Variants in XRN1 observed in about 807,000 individuals in gnomAD.
XRN1 encodes strand-exchange protein 1 homolog.
A neutral mutation model predicts 222.3 loss-of-function variants in XRN1; 67 were observed. The observed-to-expected ratio is 0.30, with a 90% CI of 0.25 to 0.37. The LOEUF (loss-of-function observed/expected upper bound fraction) is 0.37, where lower values mean the gene tolerates loss of function less well. Ranked by LOEUF, XRN1 falls within the 10% of genes least tolerant of loss-of-function variation. XRN1 has a pLI of 1.00. For synonymous variants in XRN1, 643 were observed against 652.4 expected, an observed-to-expected ratio of 0.99 and a Z score of 0.22; for missense variants, 1,707 against 2,000.2, an observed-to-expected ratio of 0.85 and a Z score of 2.80.
At chr3:142,393,009 C>T (rs1384717083) in intron 20 of XRN1, among the ~76,000 whole-genome samples, 17 of 150,846 alleles carry the variant, frequency 1.1e-4, no homozygotes, top group African/African-American at 2.7e-4. Flanking sequence ...TTTTTAATGA[C>T]TGCCATTCTA....
chr3:142,371,165 A>T, intron 26 of XRN1, 74 bp downstream of exon 26: 5 of 1,102,388 alleles, frequency 4.5e-6, no homozygotes, highest in South Asian at 1.4e-5. Flanking sequence ...GAAATTCTTG[A>T]GAAACCAGCT....
At position 142,422,920 on chromosome 3, in the gene XRN1, A is replaced by G. The variant is rs183730909; in HGVS notation, c.713T>C (p.Val238Ala). Residue 238 changes from valine to alanine, a missense_variant and splice_region_variant, in exon 7 of 41, where the codon GTA becomes GCA. Around this residue, in one of 2 missense-constraint regions of XRN1, gnomAD observed 1,234 missense variants for 1,518.2 expected, o/e 0.81. Coordinates refer to ENST00000392981, the MANE Select transcript of XRN1 (RefSeq NM_001282857.2). ...AAATGTAGTTTCTTCTGGAGCACAT[A>G]CCCTGGAATTAGTCAGATGATCAAG... ...VRFGGKKTQRVCAPEETTFHL... is the reference protein window; with the variant it reads ...VRFGGKKTQRACAPEETTFHL... 6.2e-7 allele frequency: 1 copy of G among 1,609,046 alleles called. No individual in the cohort carries two copies. Among genetic ancestry groups the G allele is most frequent in the Non-Finnish European group, 8.5e-7 (1 of 1,177,138 alleles).
chr3:142,431,856 T>A (rs1161073026), intron 2 of XRN1, among the ~76,000 whole-genome samples: 1 of 37,384 alleles, frequency 2.7e-5, no homozygotes, highest in Non-Finnish European at 5.0e-5. Flanking sequence ...AATATATATA[T>A]TATATATAAT....
chr3:142,371,673 T>C (rs929515235), intron 25 of XRN1, among the ~76,000 whole-genome samples: 1 of 152,170 alleles, frequency 6.6e-6, no homozygotes, highest in African/African-American at 2.4e-5. Context: ...CACTCCACAA[T>C]ACAACAAATT....
In XRN1 at chr3:142,329,500, T is replaced by C; in HGVS notation, c.4338A>G (p.Glu1446=). The change falls in exon 37 of 41, where the codon GAA becomes GAG. Residue 1446 remains glutamate, a synonymous_variant. Coordinates refer to ENST00000392981, the MANE Select transcript of XRN1 (RefSeq NM_001282857.2). ...QIPPVSTPVT[E]LSRICSLVGM... ...CAACAAGGGAACAAATTCGAGAAAGTTCAGTTACTGGTGTGGATACAGGAG... is the reference window on the plus strand; with the variant it reads ...CAACAAGGGAACAAATTCGAGAAAGCTCAGTTACTGGTGTGGATACAGGAG... The C allele has an allele frequency of 5.0e-6, 8 of 1,595,102 alleles. No individual in the cohort carries two copies. Among genetic ancestry groups the C allele is most frequent in the Non-Finnish European group, 6.8e-6 (8 of 1,173,636 alleles).
At chr3:142,391,696 T>G in intron 20 of XRN1, among the ~76,000 whole-genome samples, 1 of 146,366 alleles carries the variant, frequency 6.8e-6, no homozygotes, top group African/African-American at 2.6e-5. Flanking sequence ...AATGTGCCAC[T>G]GCACTCCACC....
At chr3:142,390,495 A>G (rs1214776589) in intron 20 of XRN1, among the ~76,000 whole-genome samples, 1 of 152,186 alleles carries the variant, frequency 6.6e-6, no homozygotes, top group Non-Finnish European at 1.5e-5. Context: ...GCTTACTTCA[A>G]ACTTTTCTTC....
chr3:142,387,683 T>C (rs2067558325), intron 20 of XRN1, among the ~76,000 whole-genome samples: 1 of 152,206 alleles, frequency 6.6e-6, no homozygotes, highest in Non-Finnish European at 1.5e-5. Flanking sequence ...TATAGTTTGT[T>C]TGACTTCACC....
At chr3:142,444,402 G>A (rs1234608009) in intron 1 of XRN1, among the ~76,000 whole-genome samples, 3 of 152,236 alleles carry the variant, frequency 2.0e-5, no homozygotes, top group Non-Finnish European at 2.9e-5. Flanking sequence ...GAGGCCACCA[G>A]GAGTTGGAGA....
intron 2 of XRN1, among the ~76,000 whole-genome samples, chr3:142,427,808 T>A (rs553578583): frequency 1.4e-4 from 22 of 152,340 alleles, no homozygotes; most frequent in African/African-American, 5.3e-4. Flanking sequence ...CGTACCAGCA[T>A]GCCACATGGC....
intron 13 of XRN1, among the ~76,000 whole-genome samples, chr3:142,416,878 A>G (rs560239746): frequency 1.3e-5 from 2 of 152,216 alleles, no homozygotes; most frequent in African/African-American, 4.8e-5. Flanking sequence ...CTAAAAATAT[A>G]AAAATTAGCT....
chr3:142,321,464 T>G (rs2065354306), intron 37 of XRN1, among the ~76,000 whole-genome samples: 1 of 152,196 alleles, frequency 6.6e-6, no homozygotes, highest in Non-Finnish European at 1.5e-5. Context: ...TCAAAAAATA[T>G]TTTGAACATG....
intron 33 of XRN1, among the ~76,000 whole-genome samples, chr3:142,344,098 G>T (rs924617801): frequency 1.3e-5 from 2 of 151,828 alleles, no homozygotes; most frequent in African/African-American, 2.4e-5. Context: ...AAGAGTAGTG[G>T]GGGGGAGGGG....
At chr3:142,396,798 G>A (rs1329636092) in intron 20 of XRN1, among the ~76,000 whole-genome samples, 3 of 152,138 alleles carry the variant, frequency 2.0e-5, no homozygotes, top group Non-Finnish European at 4.4e-5. Flanking sequence ...GATGGCAAAG[G>A]AGAGGTGCTG....
intron 29 of XRN1, among the ~76,000 whole-genome samples, chr3:142,362,224 G>C (rs900270550): frequency 1.3e-5 from 2 of 151,844 alleles, no homozygotes; most frequent in African/African-American, 4.8e-5. Context: ...TGCAACCTCT[G>C]CCTCCCAGGT....
At chr3:142,352,993 T>G (rs2066354138) in intron 32 of XRN1, among the ~76,000 whole-genome samples, 1 of 152,198 alleles carries the variant, frequency 6.6e-6, no homozygotes, top group African/African-American at 2.4e-5. Context: ...TAGCAAAACA[T>G]GTAGTAGGAA....
chr3:142,368,622 T>G (rs2107877587), intron 27 of XRN1, among the ~76,000 whole-genome samples: 1 of 152,314 alleles, frequency 6.6e-6, no homozygotes, highest in East Asian at 1.9e-4. Flanking sequence ...ACTGGAAAAC[T>G]CACCTCAAAA....
rs925151020 is a variant in XRN1, at chr3:142,307,660, C to G, written c.*3851G>C. 8 of 152,260 alleles carry G rather than the reference C, an allele frequency of 5.3e-5. No homozygotes were observed. The highest frequency in any genetic ancestry group is 1.7e-4 in the African/African-American group (7 of 41,556). 9.4% of individuals were successfully genotyped at this position (152,260 alleles called of 1,614,324 possible). On this transcript the variant is annotated 3_prime_UTR_variant, in exon 41 of 41. Transcript: ENST00000392981. ...CTGGAGACTTGATGCTGGTTCAACA[C>G]TATCTCTTACTGTATTGGAGAAGTT... is the stretch of plus-strand genomic sequence containing the variant.
rs1310969780 is a variant in XRN1, at chr3:142,422,634, A to G, written c.915T>C (p.Asp305=). Residue 305 remains aspartate, a synonymous_variant, in exon 8 of 41, where the codon GAT becomes GAC. Coordinates refer to ENST00000392981, the MANE Select transcript of XRN1 (RefSeq NM_001282857.2). ...PHLPHLHINH[D]ALPLLYGTYV... is the part of the protein sequence containing the mutation. Reference sequence around the variant, plus strand: ...ATGTTCCATAAAGAAGAGGCAGTGCATCATGATTAATATGTAAATGAGGTA... The same window carrying G: ...ATGTTCCATAAAGAAGAGGCAGTGCGTCATGATTAATATGTAAATGAGGTA... 1 of 1,613,728 alleles carries G rather than the reference A, an allele frequency of 6.2e-7. No individual in the cohort carries two copies. Among genetic ancestry groups the G allele is most frequent in the Admixed American group, 1.7e-5 (1 of 59,986 alleles).
Sources: gnomAD v4.1 joint callset for allele counts (sites outside exome capture counted in the v4.1 genomes callset) on GRCh38, gnomAD v4.1.1 for gene constraint, gnomAD v4.1.1 regional missense constraint, MANE v1.5 for transcripts, NCBI Gene and HGNC (gene_info 2026-07-23, HGNC 2026-07-21) for gene names.